Variants in TMEM63C observed in about 807,000 individuals in gnomAD.
TMEM63C encodes the protein transmembrane protein 63C.
TMEM63C carries 32 observed loss-of-function variants against 99.2 expected under a neutral mutation model. That is an observed-to-expected ratio of 0.32 (90% confidence interval 0.24 to 0.43). The LOEUF (loss-of-function observed/expected upper bound fraction) is 0.43, where lower values mean the gene tolerates loss of function less well. Among genes scored for constraint, TMEM63C ranks in the 20% least tolerant of loss-of-function variants. TMEM63C has a pLI of 1.00. For synonymous variants in TMEM63C, 376 were observed against 397.9 expected, an observed-to-expected ratio of 0.94 and a Z score of 0.66; for missense variants, 826 against 1,053.0, an observed-to-expected ratio of 0.78 and a Z score of 2.98.
intron 13 of TMEM63C, 76 bp downstream of exon 13, chr14:77,240,684 C>T (rs1889152833): frequency 3.2e-6 from 5 of 1,549,586 alleles, no homozygotes; most frequent in Admixed American, 1.8e-5. Flanking sequence ...TCTCCACCTC[C>T]AGTTTCCCCT....
intron 9 of TMEM63C, among the ~76,000 whole-genome samples, chr14:77,238,443 C>T (rs76290687): frequency 0.069 from 10,529 of 152,242 alleles, 382 homozygotes; most frequent in East Asian, 0.15. Context: ...CAGAGGAGAA[C>T]GGAAGCACAG....
chr14:77,253,900 G>T (rs1889417808), intron 23 of TMEM63C, among the ~76,000 whole-genome samples: 1 of 152,172 alleles, frequency 6.6e-6, no homozygotes. Flanking sequence ...TCACACAGTG[G>T]CTCGGCCTGA....
At chr14:77,231,097 C>T (rs1888931282) in intron 6 of TMEM63C, among the ~76,000 whole-genome samples, 1 of 152,224 alleles carries the variant, frequency 6.6e-6, no homozygotes, top group Admixed American at 6.5e-5. Flanking sequence ...CCCAGCGCCC[C>T]ACACTCTCAC....
chr14:77,188,854 G>GAA (rs35876079), intron 1 of TMEM63C, among the ~76,000 whole-genome samples: 11 of 151,314 alleles, frequency 7.3e-5, no homozygotes, highest in Middle Eastern at 3.4e-3. Context: ...CAACCAAACA[G>GAA]AAAAAAAAAG....
Position 77,231,654 on chromosome 14 carries a change from C to A in TMEM63C, c.417C>A (p.Leu139=). ...TCTACATCGTGTTCCAGTACCACCT[C>A]ATCATCTTTGTGCTCATCATCTGTA... The part of the protein sequence containing the change: ...ARIYIVFQYH[L]IIFVLIICIP... Residue 139 remains leucine (L), a synonymous_variant, in exon 7 of 24, where the codon CTC becomes CTA. Coordinates refer to ENST00000298351, the MANE Select transcript of TMEM63C (RefSeq NM_020431.4). 1.3e-6 allele frequency: 2 copies of A among 1,551,676 alleles called. No homozygotes were observed. The highest frequency in any genetic ancestry group is 1.7e-6 in the Non-Finnish European group (2 of 1,146,998).
At chr14:77,188,662 G>A (rs1163807248) in intron 1 of TMEM63C, among the ~76,000 whole-genome samples, 3 of 152,246 alleles carry the variant, frequency 2.0e-5, no homozygotes, top group Non-Finnish European at 4.4e-5. Flanking sequence ...GAGCCCAGGA[G>A]TTTAAGACCA....
chr14:77,189,380 C>T (rs761863177), intron 1 of TMEM63C, among the ~76,000 whole-genome samples: 1 of 151,838 alleles, frequency 6.6e-6, no homozygotes, highest in East Asian at 1.9e-4. Context: ...GGCCTCCAAA[C>T]GTGCTGGGAT....
intron 1 of TMEM63C, among the ~76,000 whole-genome samples, chr14:77,192,041 T>C (rs76996103): frequency 0.13 from 19,813 of 152,282 alleles, 1,575 homozygotes; most frequent in South Asian, 0.19. Flanking sequence ...GAATTAACTC[T>C]TTATCATTAT....
At chr14:77,233,257 A>G (rs778299173) in intron 7 of TMEM63C, among the ~76,000 whole-genome samples, 195 bp from the exon 8 acceptor site, 1 of 152,164 alleles carries the variant, frequency 6.6e-6, no homozygotes, top group Non-Finnish European at 1.5e-5. Context: ...CGAGAGCCCC[A>G]GTCAGCAGTG....
intron 1 of TMEM63C, among the ~76,000 whole-genome samples, chr14:77,185,550 G>T (rs1887981153): frequency 6.6e-6 from 1 of 152,234 alleles, no homozygotes; most frequent in African/African-American, 2.4e-5. Flanking sequence ...TGGAGCTGTG[G>T]CCAGTCCGCT....
intron 16 of TMEM63C, 58 bp from the exon 17 acceptor site, chr14:77,245,881 AG>A (rs2140129205): frequency 8.2e-7 from 1 of 1,215,008 alleles, no homozygotes; most frequent in East Asian, 2.3e-5. Flanking sequence ...TTACATAGTT[AG>A]GCCTTTGGTT....
Position 77,256,826 on chromosome 14 carries a change from C to A in TMEM63C, c.*100C>A. ...GCCTGGACCTCCCCACTACCTCCTG[C>A]AGACTTTGAGAAGCCCACAGTGGAG... On this transcript the variant is annotated 3_prime_UTR_variant, in exon 24 of 24. Transcript: ENST00000298351. The A allele has an allele frequency of 8.6e-7, 1 of 1,157,726 alleles. No individual in the cohort carries two copies. Among genetic ancestry groups the A allele is most frequent in the Non-Finnish European group, 1.2e-6 (1 of 815,156 alleles). 71.7% of individuals were successfully genotyped at this position (1,157,726 alleles called of 1,614,324 possible). A position where few individuals can be genotyped will look rare whatever the true frequency, so the allele number is the denominator to read the frequency against.
Position 77,238,723 on chromosome 14 carries a change from G to C in TMEM63C, c.681G>C (p.Val227=). ...CAAGGACACTAATGATCACCTATGTGCCCAAGGACATTGAAGACCCAGAAC... is the reference window on the plus strand; with the variant it reads ...CAAGGACACTAATGATCACCTATGTCCCCAAGGACATTGAAGACCCAGAAC... The part of the protein sequence containing the change: ...KVTRTLMITY[V]PKDIEDPELI... The change falls in exon 10 of 24, where the codon GTG becomes GTC. Residue 227 remains valine (V), a synonymous_variant. Transcript: ENST00000298351. 6.2e-7 allele frequency: 1 copy of C among 1,613,984 alleles called. No individual in the cohort carries two copies. Among genetic ancestry groups the C allele is most frequent in the African/African-American group, 1.3e-5 (1 of 75,078 alleles).
intron 18 of TMEM63C, among the ~76,000 whole-genome samples, chr14:77,247,691 G>T (rs936912308): frequency 1.3e-5 from 2 of 152,168 alleles, no homozygotes; most frequent in African/African-American, 4.8e-5. Flanking sequence ...CAAGTGTTGA[G>T]AATCCCAATT....
chr14:77,194,655 C>G (rs540833540), intron 1 of TMEM63C, among the ~76,000 whole-genome samples: 16 of 151,872 alleles, frequency 1.1e-4, no homozygotes, highest in African/African-American at 3.6e-4. Context: ...CTCACTGAAG[C>G]CTCAACCTGC....
intron 1 of TMEM63C, among the ~76,000 whole-genome samples, chr14:77,199,993 C>G (rs1361511348): frequency 1.3e-5 from 2 of 152,182 alleles, no homozygotes; most frequent in Non-Finnish European, 2.9e-5. Context: ...AGCAGATTGT[C>G]GCAGACAGAA....
rs1400507015 is a variant in TMEM63C, at chr14:77,248,368, C to A, written c.1623C>A (p.Asn541Lys). The A allele has an allele frequency of 6.2e-7, 1 of 1,611,250 alleles. No homozygotes were observed. Among genetic ancestry groups the A allele is most frequent in the Non-Finnish European group, 8.5e-7 (1 of 1,178,700 alleles). Reference protein sequence around the residue: ...IRFQCVFLPDNGAFFVNYVIT... With the variant: ...IRFQCVFLPDKGAFFVNYVIT... ...CCAGGTGTGTGTTCCTGCCAGACAA[C>A]GGCGCCTTCTTTGTCAACTACGTGA... is the stretch of plus-strand genomic sequence containing the variant. The change falls in exon 19 of 24, where the codon AAC (asparagine) becomes AAA (lysine). Residue 541 changes from asparagine (N) to lysine (K), a missense_variant. By Grantham distance (94) the Asn-to-Lys change is moderately conservative. Transcript: ENST00000298351.
chr14:77,252,953 G>A (rs1200295472), intron 22 of TMEM63C, among the ~76,000 whole-genome samples: 11 of 152,230 alleles, frequency 7.2e-5, no homozygotes, highest in Non-Finnish European at 1.6e-4. Flanking sequence ...TGTTGGTGTA[G>A]GACACTTTCC....
chr14:77,184,614 G>A (rs1461819337), intron 1 of TMEM63C, among the ~76,000 whole-genome samples: 1 of 152,234 alleles, frequency 6.6e-6, no homozygotes. Context: ...AGTGCTCAGA[G>A]GAAGTGCTCA....
Sources: gnomAD v4.1 joint callset for allele counts (sites outside exome capture counted in the v4.1 genomes callset) on GRCh38, gnomAD v4.1.1 for gene constraint, MANE v1.5 for transcripts, NCBI Gene and HGNC (gene_info 2026-07-23, HGNC 2026-07-21) for gene names.